DMD: variants seen among roughly 807,000 people sequenced by gnomAD.
DMD encodes mutant dystrophin.
Under a neutral mutation model 330.1 loss-of-function variants are expected in DMD, and 63 were observed. The ratio of observed to expected loss-of-function variants is 0.19; its 90% CI spans 0.16 to 0.24. DMD has a LOEUF of 0.24. Ranked by LOEUF, DMD falls within the 10% of genes least tolerant of loss-of-function variation. DMD has a pLI of 1.00. For missense variants in DMD, 3,344 were observed against 2,684.1 expected (o/e 1.25, Z -5.43); for synonymous variants, 1,223 against 959.8 (o/e 1.27, Z -5.07).
intron 1 of DMD, among the ~76,000 whole-genome samples, chrX:33,044,896 C>T (rs1445006166): frequency 2.7e-5 from 3 of 111,612 alleles, no homozygotes; most frequent in Non-Finnish European, 3.8e-5. Flanking sequence ...TAAAAATATG[C>T]CTTATTTGGT....
chrX:31,408,102 T>C (rs974533418), intron 60 of DMD, among the ~76,000 whole-genome samples: 5 of 112,218 alleles, frequency 4.5e-5, no homozygotes, highest in African/African-American at 6.5e-5. Context: ...AGCTTTGGGA[T>C]AGGTTTTCCA....
intron 9 of DMD, 61 bp downstream of exon 9, chrX:32,697,809 T>C (rs2063765853): frequency 1.7e-6 from 2 of 1,188,376 alleles, no homozygotes; most frequent in Admixed American, 4.4e-5. Context: ...GTAAAAGCAG[T>C]GTTAGATTAT....
chrX:32,495,620 G>T (rs2043417647), intron 19 of DMD, among the ~76,000 whole-genome samples: 1 of 111,671 alleles, frequency 9.0e-6, no homozygotes, highest in Non-Finnish European at 1.9e-5. Flanking sequence ...AACTACTGTT[G>T]ATTTTCTAAG....
chrX:32,033,067 C>T (rs1158952948), intron 44 of DMD, among the ~76,000 whole-genome samples: 1 of 112,136 alleles, frequency 8.9e-6, no homozygotes, highest in Non-Finnish European at 1.9e-5. Context: ...AAAGGAAATT[C>T]TGCAATATGA....
chrX:32,967,098 T>C (rs1452845776), intron 2 of DMD, among the ~76,000 whole-genome samples: 1 of 111,921 alleles, frequency 8.9e-6, no homozygotes, highest in Non-Finnish European at 1.9e-5. Context: ...GCAGTGCCTA[T>C]TCACTAACTG....
chrX:33,258,990 A>G (rs1322797425), intron 1 of DMD, among the ~76,000 whole-genome samples: 1 of 111,216 alleles, frequency 9.0e-6, no homozygotes, highest in Non-Finnish European at 1.9e-5. Context: ...TGTTAAATAT[A>G]TGCAGAATGG....
At chrX:33,335,393 A>G (rs972946220) in intron 1 of DMD, among the ~76,000 whole-genome samples, 2 of 110,452 alleles carry the variant, frequency 1.8e-5, no homozygotes, top group South Asian at 3.8e-4. Flanking sequence ...TTTTGATGTC[A>G]TATGAATTAT....
chrX:32,288,713 A>C (rs1254116828), intron 42 of DMD, among the ~76,000 whole-genome samples: 1 of 112,284 alleles, frequency 8.9e-6, no homozygotes, highest in East Asian at 2.8e-4. Flanking sequence ...ACTTTATACA[A>C]ATAATCAGGC....
intron 17 of DMD, among the ~76,000 whole-genome samples, chrX:32,537,979 G>A (rs1014342593): frequency 1.8e-5 from 2 of 112,425 alleles, no homozygotes; most frequent in Admixed American, 9.4e-5. Context: ...CTTGAATTGA[G>A]CATCTACTAC....
At chrX:31,569,517 T>C (rs1283169821) in intron 55 of DMD, among the ~76,000 whole-genome samples, 3 of 105,651 alleles carry the variant, frequency 2.8e-5, no homozygotes, top group Middle Eastern at 4.9e-3. Context: ...TGATCAGTAT[T>C]GTATCTGTTA....
intron 62 of DMD, among the ~76,000 whole-genome samples, chrX:31,274,937 T>C (rs924385805): frequency 5.4e-5 from 6 of 110,781 alleles, no homozygotes; most frequent in Non-Finnish European, 1.1e-4. Context: ...CAAGGAAATA[T>C]GGCCTTTTCC....
chrX:32,684,010 C>CACAT (rs1232644014), intron 9 of DMD, among the ~76,000 whole-genome samples: 19 of 78,778 alleles, frequency 2.4e-4, no homozygotes, highest in South Asian at 4.4e-4. Context: ...CACACACACA[C>CACAT]ACATACATAC....
chrX:31,489,690 A>G lies in DMD; in HGVS notation c.8547+7098T>C, dbSNP rs1415404426. The stretch of plus-strand genomic sequence containing the variant: ...AAAAAGTTCTTGAAAGAACCAATAA[A>G]TTCTAGGAATCTGAGTTATGGTATA... On this transcript the variant is annotated intron_variant, in intron 57 of 78. Transcript: ENST00000357033. Among the ~76,000 whole-genome samples, 24 of 112,132 alleles carry G rather than the reference A, an allele frequency of 2.1e-4. No homozygotes were observed. In the Admixed American group the frequency reaches 2.3e-3, roughly 11 times the overall value.
intron 1 of DMD, among the ~76,000 whole-genome samples, chrX:33,303,991 C>T (rs1437052488): frequency 1.8e-5 from 2 of 111,281 alleles, no homozygotes; most frequent in African/African-American, 6.5e-5. Context: ...TCCATTAAAT[C>T]AGTGAATCTT....
At position 31,160,992 on chromosome X, in the gene DMD, G is replaced by A. The variant is rs1453524777; in HGVS notation, c.10553+8451C>T. ...TGAATACAGGTCCTATTACTTGCTG[G>A]CCATATGAAGTGTCCTTAATACTCT... On this transcript the variant is annotated intron_variant, in intron 74 of 78. Coordinates refer to ENST00000357033, the MANE Select transcript of DMD (RefSeq NM_004006.3). Among the ~76,000 whole-genome samples the A allele has an allele frequency of 4.5e-5, 5 of 111,301 alleles. No homozygotes were observed. In the Admixed American group the frequency reaches 4.8e-4, roughly 11 times the overall value.
At chrX:32,218,017 T>TCAAATGTG (rs1408771515) in intron 43 of DMD, among the ~76,000 whole-genome samples, 4 of 111,748 alleles carry the variant, frequency 3.6e-5, no homozygotes, top group African/African-American at 1.3e-4. Context: ...TTAGTACAAG[T>TCAAATGTG]CAAATGTGTT....
At chrX:31,830,469 C>T (rs977044139) in intron 49 of DMD, among the ~76,000 whole-genome samples, 1 of 111,050 alleles carries the variant, frequency 9.0e-6, no homozygotes, top group Non-Finnish European at 1.9e-5. Flanking sequence ...TGGTGGGCGC[C>T]TGTAATCCCA....
Position 32,634,857 on chromosome X carries a change from C to A in DMD, c.1331+9275G>T, listed in dbSNP as rs2058984567. On this transcript the variant is annotated intron_variant, in intron 11 of 78. Transcript: ENST00000357033. ...CTTAGCTGCCCCAGCGGATGTCTCA[C>A]TAGGTTGTATGTATCCCAAGTCCAC... Among the ~76,000 whole-genome samples, 4 of 112,010 alleles carry A rather than the reference C, an allele frequency of 3.6e-5. No homozygotes were observed. In the Admixed American group the frequency reaches 3.8e-4, roughly 11 times the overall value.
chrX:32,293,791 C>T (rs1477014811), intron 42 of DMD, among the ~76,000 whole-genome samples: 2 of 111,547 alleles, frequency 1.8e-5, no homozygotes, highest in Non-Finnish European at 1.9e-5. Flanking sequence ...ACAATATATC[C>T]ATGTAACAAA....
Sources: gnomAD v4.1 joint callset for allele counts (sites outside exome capture counted in the v4.1 genomes callset) on GRCh38, gnomAD v4.1.1 for gene constraint, MANE v1.5 for transcripts, NCBI Gene and HGNC (gene_info 2026-07-23, HGNC 2026-07-21) for gene names.